TLCD4: variants seen among roughly 807,000 people sequenced by gnomAD.
The protein encoded by TLCD4 is TLC domain containing 4.
In TLCD4, 7 loss-of-function variants were observed where a neutral mutation model predicts 24.2. The ratio of observed to expected loss-of-function variants is 0.29; its 90% CI spans 0.16 to 0.54. The LOEUF is 0.54. TLCD4 is among the 20% of genes least tolerant of loss of function. TLCD4 has a pLI of 0.95. For missense variants in TLCD4, 259 were observed against 313.9 expected (o/e 0.82, Z 1.32); for synonymous variants, 103 against 106.4 (o/e 0.97, Z 0.20).
At chr1:95,123,061 G>A (rs1676613738) in intron 1 of TLCD4, among the ~76,000 whole-genome samples, 1 of 151,676 alleles carries the variant, frequency 6.6e-6, no homozygotes, top group Non-Finnish European at 1.5e-5. Context: ...CTCCTGCCTT[G>A]GTATCCCAAA....
At chr1:95,185,351 G>A (rs1678795772) in intron 6 of TLCD4, among the ~76,000 whole-genome samples, 2 of 152,192 alleles carry the variant, frequency 1.3e-5, no homozygotes, top group Admixed American at 1.3e-4. Flanking sequence ...GAGTTGAAAG[G>A]TAAAGGTGCC....
At chr1:95,141,165 A>T (rs1003716720) in intron 1 of TLCD4, among the ~76,000 whole-genome samples, 1 of 152,216 alleles carries the variant, frequency 6.6e-6, no homozygotes, top group Non-Finnish European at 1.5e-5. Flanking sequence ...ACCTGATAAT[A>T]ATTCTGTTCA....
chr1:95,194,257 G>A lies in TLCD4; in HGVS notation c.*2389G>A, dbSNP rs998658317. 3 of 152,026 alleles carry A rather than the reference G, an allele frequency of 2.0e-5. No homozygotes were observed. The highest frequency in any genetic ancestry group is 7.2e-5 in the African/African-American group (3 of 41,416). The allele number at this position is 152,026 out of a possible 1,614,324, so 9.4% of individuals were successfully genotyped here. A position where few individuals can be genotyped will look rare whatever the true frequency, so the allele number is the denominator to read the frequency against. On this transcript the variant is annotated 3_prime_UTR_variant, in exon 7 of 7. Coordinates refer to ENST00000370203, the MANE Select transcript of TLCD4 (RefSeq NM_152487.3). Reference sequence around the variant, plus strand: ...GCTGCATGAGTTAATTCAACATCCAGATTAAATATCCTGAAGTAGGTTCTA... The same window carrying A: ...GCTGCATGAGTTAATTCAACATCCAAATTAAATATCCTGAAGTAGGTTCTA...
chr1:95,159,398 C>T (rs1305498557), intron 5 of TLCD4, among the ~76,000 whole-genome samples: 1 of 152,120 alleles, frequency 6.6e-6, no homozygotes, highest in Non-Finnish European at 1.5e-5. Flanking sequence ...TTTGTAGATT[C>T]TGGATATTAG....
chr1:95,161,417 G>A (rs1677799392), intron 5 of TLCD4, among the ~76,000 whole-genome samples: 1 of 152,058 alleles, frequency 6.6e-6, no homozygotes, highest in Admixed American at 6.6e-5. Flanking sequence ...AGTCTTGCTA[G>A]CAGTCTATCA....
intron 1 of TLCD4, among the ~76,000 whole-genome samples, chr1:95,120,437 A>T (rs1436551774): frequency 1.3e-5 from 2 of 152,236 alleles, no homozygotes; most frequent in Non-Finnish European, 2.9e-5. Flanking sequence ...ATGTGCTGCA[A>T]GCAGATCCCA....
intron 2 of TLCD4, among the ~76,000 whole-genome samples, chr1:95,148,163 A>G (rs72722129): frequency 0.018 from 2,800 of 152,356 alleles, 41 homozygotes; most frequent in East Asian, 0.09. Context: ...ATCAAGTGCA[A>G]TAGTGCATGT....
Position 95,195,975 on chromosome 1 carries a change from T to A in TLCD4, c.*4107T>A, listed in dbSNP as rs531440745. 1 of 152,314 alleles carries A rather than the reference T, an allele frequency of 6.6e-6. No homozygotes were observed. Among genetic ancestry groups the A allele is most frequent in the Admixed American group, 6.5e-5 (1 of 15,302 alleles). 9.4% of individuals were successfully genotyped at this position (152,314 alleles called of 1,614,324 possible). A position where few individuals can be genotyped will look rare whatever the true frequency, so the allele number is the denominator to read the frequency against. ...CCATGTATCTATAAGCTTCCCAGTC[T>A]CTTATGGCAAATTTAAAAGTTTACA... On this transcript the variant is annotated 3_prime_UTR_variant, in exon 7 of 7. Transcript: ENST00000370203.
intron 5 of TLCD4, among the ~76,000 whole-genome samples, chr1:95,167,171 T>G (rs895419346): frequency 6.6e-6 from 1 of 152,088 alleles, no homozygotes; most frequent in Non-Finnish European, 1.5e-5. Context: ...TGTGCCCATT[T>G]TACAAAAGGA....
At chr1:95,111,545 G>C in the TLCD4 span, among the ~76,000 whole-genome samples, 1 of 152,154 alleles carries the variant, frequency 6.6e-6, no homozygotes, top group Admixed American at 6.6e-5. Context: ...CAAGGAAAAA[G>C]GGAATAGGAG....
chr1:95,180,967 C>T (rs1047458763), intron 6 of TLCD4, among the ~76,000 whole-genome samples: 23 of 152,064 alleles, frequency 1.5e-4, no homozygotes, highest in Non-Finnish European at 2.9e-5. Flanking sequence ...CGTGGTGGCA[C>T]ATGCCTGTAG....
chr1:95,122,142 G>A (rs1200360214), intron 1 of TLCD4, among the ~76,000 whole-genome samples: 3 of 152,144 alleles, frequency 2.0e-5, no homozygotes, highest in Non-Finnish European at 2.9e-5. Context: ...TCACCTAAGT[G>A]AAGAGTTTGC....
chr1:95,114,378 A>G (rs1266661461), upstream of TLCD4, among the ~76,000 whole-genome samples: 2 of 152,200 alleles, frequency 1.3e-5, no homozygotes. Flanking sequence ...ATCTTCACTA[A>G]CAGAGCAGAG....
intron 2 of TLCD4, 148 bp from the exon 3 acceptor site, chr1:95,148,554 G>A: frequency 1.9e-6 from 2 of 1,036,158 alleles, no homozygotes; most frequent in Non-Finnish European, 2.6e-6. Context: ...GCAAGAAATG[G>A]CAATTTTGCA....
chr1:95,170,813 A>G (rs12048100), intron 5 of TLCD4, among the ~76,000 whole-genome samples: 1 of 152,206 alleles, frequency 6.6e-6, no homozygotes, highest in Non-Finnish European at 1.5e-5. Context: ...GCAAAAAAAC[A>G]GAACATTTCT....
chr1:95,094,750 G>A, the TLCD4 span, among the ~76,000 whole-genome samples: 6 of 152,132 alleles, frequency 3.9e-5, no homozygotes, highest in East Asian at 9.6e-4. Flanking sequence ...CTGACCCACA[G>A]AATTGTTAAC....
intron 1 of TLCD4, among the ~76,000 whole-genome samples, chr1:95,123,549 A>G (rs562289895): frequency 2.0e-5 from 3 of 152,350 alleles, no homozygotes; most frequent in Admixed American, 2.0e-4. Context: ...AATGATCAAT[A>G]TTTAAGAGAA....
chr1:95,154,475 T>C (rs975865959), intron 5 of TLCD4, among the ~76,000 whole-genome samples: 2 of 152,164 alleles, frequency 1.3e-5, no homozygotes, highest in African/African-American at 2.4e-5. Flanking sequence ...CCAGTATCTA[T>C]AAGGCACAGC....
chr1:95,154,695 C>T (rs1374736584), intron 5 of TLCD4, among the ~76,000 whole-genome samples: 2 of 152,028 alleles, frequency 1.3e-5, no homozygotes, highest in East Asian at 1.9e-4. Flanking sequence ...CTCAAACCTT[C>T]ATCTCTGTCT....
Sources: gnomAD v4.1 joint callset for allele counts (sites outside exome capture counted in the v4.1 genomes callset) on GRCh38, gnomAD v4.1.1 for gene constraint, MANE v1.5 for transcripts, NCBI Gene and HGNC (gene_info 2026-07-23, HGNC 2026-07-21) for gene names.